Variants in CTNND2 observed in about 807,000 individuals in gnomAD.
CTNND2 encodes the protein catenin delta-2.
CTNND2 carries 22 observed loss-of-function variants against 144.4 expected under a neutral mutation model. That is an observed-to-expected ratio of 0.15 (90% confidence interval 0.11 to 0.22). The LOEUF is 0.22. Among genes scored for constraint, CTNND2 ranks in the 10% least tolerant of loss-of-function variants. The pLI, the probability that CTNND2 is intolerant of heterozygous loss-of-function variation, is 1.00. For synonymous variants in CTNND2, 751 were observed against 695.6 expected (o/e 1.08, Z -1.25); for missense variants, 1,353 against 1,618.8 (o/e 0.84, Z 2.82).
intron 13 of CTNND2, among the ~76,000 whole-genome samples, chr5:11,112,996 CCAAG>C (rs1171882543): frequency 6.6e-6 from 1 of 152,034 alleles, no homozygotes; most frequent in African/African-American, 2.4e-5. Context: ...CAAAAATTAG[CCAAG>C]CATGGTGGCG....
chr5:11,291,125 TC>T (rs1205522239), intron 9 of CTNND2, among the ~76,000 whole-genome samples: 1 of 152,066 alleles, frequency 6.6e-6, no homozygotes, highest in Non-Finnish European at 1.5e-5. Flanking sequence ...ACTCCCACAC[TC>T]CTGACTGCGG....
intron 2 of CTNND2, among the ~76,000 whole-genome samples, chr5:11,690,749 A>G (rs1784870984): frequency 8.6e-6 from 1 of 116,592 alleles, no homozygotes; most frequent in African/African-American, 7.6e-5. Context: ...TCTCAAAAAA[A>G]AAAAAAAAAA....
intron 2 of CTNND2, among the ~76,000 whole-genome samples, chr5:11,621,473 CA>C (rs1042441185): frequency 6.6e-6 from 1 of 151,176 alleles, no homozygotes; most frequent in Non-Finnish European, 1.5e-5. Context: ...TTTGTTAGAT[CA>C]CAGATTTAAC....
At chr5:11,204,478 C>T (rs1737832591) in intron 10 of CTNND2, among the ~76,000 whole-genome samples, 2 of 152,144 alleles carry the variant, frequency 1.3e-5, no homozygotes, top group Admixed American at 1.3e-4. Context: ...TATATCTAAG[C>T]CTTTCAAATC....
At chr5:11,348,874 C>A (rs1326379394) in intron 8 of CTNND2, among the ~76,000 whole-genome samples, 1 of 152,074 alleles carries the variant, frequency 6.6e-6, no homozygotes, top group Admixed American at 6.5e-5. Flanking sequence ...TAAGCAGAAA[C>A]AGGAAGGCAA....
rs116679119 is a variant in CTNND2, at chr5:10,983,409, G to T, written c.3344-1563C>A. 2.9e-3 allele frequency among the ~76,000 whole-genome samples: 444 copies of T among 152,228 alleles called. 2 individuals are homozygous for T. The highest frequency in any genetic ancestry group is 0.01 in the African/African-American group (426 of 41,548). ...CAGTATTTAGGGGATAATGAAGTAG[G>T]ATCACTCTACCTATAGGCCACAAGA... is the stretch of plus-strand genomic sequence containing the variant. On this transcript the variant is annotated intron_variant, in intron 20 of 21. Transcript: ENST00000304623.
intron 3 of CTNND2, among the ~76,000 whole-genome samples, chr5:11,448,540 TA>T (rs2149907735): frequency 6.6e-6 from 1 of 152,272 alleles, no homozygotes; most frequent in East Asian, 1.9e-4. Context: ...CGTTTTCAAA[TA>T]AAATAATTTT....
chr5:11,383,132 T>A (rs1286874206), intron 7 of CTNND2, among the ~76,000 whole-genome samples: 2 of 151,916 alleles, frequency 1.3e-5, no homozygotes, highest in Non-Finnish European at 2.9e-5. Context: ...AAATCACCCA[T>A]GGGAGAAAGA....
intron 15 of CTNND2, chr5:11,083,985 C>T (rs1375387328): frequency 5.6e-6 from 6 of 1,068,194 alleles, no homozygotes; most frequent in Non-Finnish European, 2.3e-6. Flanking sequence ...AAAAAAACAA[C>T]TTCATCCTGT....
intron 12 of CTNND2, among the ~76,000 whole-genome samples, chr5:11,128,980 AAT>A (rs1218962042): frequency 3.3e-5 from 1 of 29,954 alleles, no homozygotes; most frequent in African/African-American, 1.1e-4. Context: ...ATAATATATA[AAT>A]ATATATAATA....
At chr5:11,774,022 A>T (rs2126831742) in intron 1 of CTNND2, among the ~76,000 whole-genome samples, 1 of 152,300 alleles carries the variant, frequency 6.6e-6, no homozygotes, top group Non-Finnish European at 1.5e-5. Flanking sequence ...AAGAAAGAAG[A>T]GATCATACAT....
chr5:11,362,211 G>GT (rs941966767), intron 8 of CTNND2, among the ~76,000 whole-genome samples: 42 of 43,658 alleles, frequency 9.6e-4, no homozygotes, highest in African/African-American at 2.4e-3. Context: ...AACTTAGAAT[G>GT]TTTTTTTACG....
chr5:11,173,120 G>A (rs541755212), intron 11 of CTNND2, among the ~76,000 whole-genome samples: 2 of 152,362 alleles, frequency 1.3e-5, no homozygotes, highest in Admixed American at 6.5e-5. Flanking sequence ...GACTCACATT[G>A]TCATAAAAAA....
chr5:11,184,960 G>A (rs1439946643), intron 11 of CTNND2, among the ~76,000 whole-genome samples: 1 of 152,200 alleles, frequency 6.6e-6, no homozygotes, highest in Non-Finnish European at 1.5e-5. Context: ...AAGCTGCTTT[G>A]CGCAGGAGTG....
At chr5:11,344,282 C>A (rs1241689457) in intron 9 of CTNND2, among the ~76,000 whole-genome samples, 2 of 152,016 alleles carry the variant, frequency 1.3e-5, no homozygotes, top group Non-Finnish European at 1.5e-5. Context: ...GTCCCAGCTA[C>A]TCGGGAGGCT....
intron 3 of CTNND2, among the ~76,000 whole-genome samples, chr5:11,519,861 AG>A (rs1200769572): frequency 6.6e-6 from 1 of 152,026 alleles, no homozygotes; most frequent in East Asian, 1.9e-4. Context: ...CTATCTGGCC[AG>A]GCATGGTGGC....
At chr5:11,080,187 GAAGA>G (rs1268212262) in intron 16 of CTNND2, among the ~76,000 whole-genome samples, 1 of 152,124 alleles carries the variant, frequency 6.6e-6, no homozygotes, top group Non-Finnish European at 1.5e-5. Flanking sequence ...TTACTTAAAA[GAAGA>G]AATACAAATG....
At chr5:11,508,905 G>A (rs1291769555) in intron 3 of CTNND2, among the ~76,000 whole-genome samples, 3 of 147,162 alleles carry the variant, frequency 2.0e-5, no homozygotes, top group East Asian at 4.0e-4. Context: ...AGTGAGACTC[G>A]TTTTCAAAAA....
chr5:11,725,634 C>T (rs1434726504), intron 2 of CTNND2, among the ~76,000 whole-genome samples: 2 of 151,932 alleles, frequency 1.3e-5, no homozygotes, highest in African/African-American at 4.8e-5. Flanking sequence ...TGAAGTAAAA[C>T]ATAAAGTCTC....
Sources: allele counts gnomAD v4.1 joint callset (sites outside exome capture counted in the v4.1 genomes callset), GRCh38; gene constraint gnomAD v4.1.1; transcripts MANE v1.5; gene names NCBI Gene and HGNC (gene_info 2026-07-23, HGNC 2026-07-21).